The following RCAN1 variants were observed in gnomAD, a reference collection of about 807,000 sequenced individuals.
RCAN1 encodes regulator of calcineurin 1.
RCAN1 carries 11 observed loss-of-function variants against 22.9 expected under a neutral mutation model. That is an observed-to-expected ratio of 0.48 (90% CI 0.30 to 0.79). The LOEUF is 0.79. Among genes scored for constraint, RCAN1 ranks in the 30% least tolerant of loss-of-function variants. RCAN1 has a pLI of 0.06. For missense variants in RCAN1, 291 were observed against 337.8 expected, an observed-to-expected ratio of 0.86 and a Z score of 1.09; for synonymous variants, 136 against 142.3, an observed-to-expected ratio of 0.96 and a Z score of 0.32.
At chr21:34,560,232 T>C (rs954590375) in intron 1 of RCAN1, 12 of 152,132 alleles carry the variant, frequency 7.9e-5, no homozygotes, top group Admixed American at 2.6e-4. Context: ...AGGCACATTC[T>C]AGGATAGATG....
Position 34,593,923 on chromosome 21 carries a change from G to A in RCAN1, c.252+20837C>T, listed in dbSNP as rs151307325. ...CTATAATACGTGTAAGAAAAAAATC[G>A]TTAGTTTCCACTTGTTTTTTATTCT... On this transcript the variant is annotated intron_variant, in intron 1 of 3. Transcript: ENST00000313806. 1.7e-3 allele frequency among the ~76,000 whole-genome samples: 253 copies of A among 152,244 alleles called. 5 individuals carry two copies. The East Asian group carries it at 0.039, about 24-fold the overall frequency.
chr21:34,589,368 T>A (rs1206105185), intron 1 of RCAN1, among the ~76,000 whole-genome samples: 1 of 152,234 alleles, frequency 6.6e-6, no homozygotes, highest in Non-Finnish European at 1.5e-5. Flanking sequence ...GAAGGCTTTT[T>A]AAACTCTGAT....
At chr21:34,530,616 GTTTTTTTT>G (rs59150851) in intron 1 of RCAN1, among the ~76,000 whole-genome samples, 17 of 66,224 alleles carry the variant, frequency 2.6e-4, no homozygotes, top group African/African-American at 7.1e-4. Context: ...TAGTGAAATA[GTTTTTTTT>G]TTTTTTTTTT....
At chr21:34,589,870 G>A (rs1341356575) in intron 1 of RCAN1, among the ~76,000 whole-genome samples, 7 of 152,148 alleles carry the variant, frequency 4.6e-5, no homozygotes. Context: ...GGCAGACTGT[G>A]GGACTTCTCA....
At chr21:34,543,801 C>T (rs1010528779) in intron 1 of RCAN1, among the ~76,000 whole-genome samples, 1 of 152,170 alleles carries the variant, frequency 6.6e-6, no homozygotes, top group South Asian at 2.1e-4. Flanking sequence ...GTCAGATGGG[C>T]CTGGGCAGGA....
chr21:34,583,080 A>G (rs1010532642), intron 1 of RCAN1, among the ~76,000 whole-genome samples: 2 of 151,992 alleles, frequency 1.3e-5, no homozygotes, highest in African/African-American at 4.8e-5. Context: ...AGCATTATGG[A>G]CTGAACTATG....
At chr21:34,520,389 G>A (rs551203779) in intron 3 of RCAN1, among the ~76,000 whole-genome samples, 2 of 152,084 alleles carry the variant, frequency 1.3e-5, no homozygotes, top group South Asian at 4.2e-4. Flanking sequence ...GAGCTGCTGT[G>A]GGGGGAGCAC....
intron 1 of RCAN1, among the ~76,000 whole-genome samples, chr21:34,573,264 G>A (rs1308242329): frequency 1.3e-5 from 2 of 152,008 alleles, no homozygotes; most frequent in African/African-American, 4.8e-5. Context: ...GACACATTTT[G>A]GCATGGTAAT....
chr21:34,528,923 G>A (rs570005981), intron 1 of RCAN1, among the ~76,000 whole-genome samples: 5 of 150,058 alleles, frequency 3.3e-5, no homozygotes, highest in Middle Eastern at 3.2e-3. Context: ...GGGCTCACCC[G>A]AATATACAAT....
chr21:34,586,151 G>A (rs1489112641), intron 1 of RCAN1, among the ~76,000 whole-genome samples: 2 of 152,110 alleles, frequency 1.3e-5, no homozygotes, highest in Non-Finnish European at 2.9e-5. Flanking sequence ...ATTCAGTAAG[G>A]CCATAGATGA....
intron 1 of RCAN1, among the ~76,000 whole-genome samples, chr21:34,567,839 G>A (rs535372326): frequency 9.0e-4 from 137 of 152,262 alleles, no homozygotes; most frequent in African/African-American, 3.0e-3. Flanking sequence ...TTGGAGCCAC[G>A]AGGCTTGCTT....
chr21:34,587,104 G>A (rs1601202034), intron 1 of RCAN1, among the ~76,000 whole-genome samples: 1 of 152,158 alleles, frequency 6.6e-6, no homozygotes, highest in East Asian at 1.9e-4. Context: ...AGCACAAATT[G>A]TCACTACCAG....
chr21:34,544,074 T>TGTGGCTGCCACAGCAGCA (rs1491563872), intron 1 of RCAN1, among the ~76,000 whole-genome samples: 12 of 152,374 alleles, frequency 7.9e-5, no homozygotes, highest in African/African-American at 2.6e-4. Flanking sequence ...CTTTTCAGAC[T>TGTGGCTGCCACAGCAGCA]GTGGCTGCCA....
In RCAN1 at chr21:34,611,780, C is replaced by T. The variant is rs148532992; in HGVS notation, c.252+2980G>A. On this transcript the variant is annotated intron_variant, in intron 1 of 3. Coordinates refer to ENST00000313806, the MANE Select transcript of RCAN1 (RefSeq NM_004414.7). ...AACAGTAAGACTGCCACATTGAAAC[C>T]GCAGAAACTACATATTCCCACCTAG... is the stretch of plus-strand genomic sequence containing the variant. Among the ~76,000 whole-genome samples, 677 of 152,224 alleles carry T rather than the reference C, an allele frequency of 4.4e-3. 8 individuals carry two copies. The highest frequency in any genetic ancestry group is 0.015 in the African/African-American group (640 of 41,534).
chr21:34,602,938 A>C (rs1988399896), intron 1 of RCAN1, among the ~76,000 whole-genome samples: 2 of 152,182 alleles, frequency 1.3e-5, no homozygotes, highest in Admixed American at 6.5e-5. Context: ...TCAGGTGAGC[A>C]CGTTCCCCTA....
chr21:34,534,217 A>AT (rs11462757), intron 1 of RCAN1, among the ~76,000 whole-genome samples: 152,219 of 152,220 alleles, frequency 1, 76,109 homozygotes, highest in Non-Finnish European at 1. Context: ...TTCTCCAACC[A>AT]GTGTCCATAC....
intron 1 of RCAN1, among the ~76,000 whole-genome samples, chr21:34,596,904 G>A (rs567834852): frequency 5.3e-5 from 8 of 152,270 alleles, no homozygotes; most frequent in South Asian, 2.1e-4. Context: ...TGTGCTGTGC[G>A]TTGGTCTGCA....
intron 1 of RCAN1, among the ~76,000 whole-genome samples, chr21:34,600,101 T>C (rs1201117917): frequency 6.6e-6 from 1 of 152,166 alleles, no homozygotes; most frequent in Non-Finnish European, 1.5e-5. Context: ...TTCAGTCCCC[T>C]GGTACCTCCC....
chr21:34,518,325 A>T lies in RCAN1; in HGVS notation c.587-69T>A. The T allele has an allele frequency of 6.5e-7, 1 of 1,539,732 alleles. No individual in the cohort carries two copies. The highest frequency in any genetic ancestry group is 2.3e-5 in the East Asian group (1 of 44,082). On this transcript the variant is annotated intron_variant, in intron 3 of 3. Coordinates refer to ENST00000313806, the MANE Select transcript of RCAN1 (RefSeq NM_004414.7). The surrounding 1 kb of genome is among the most constrained non-coding windows in gnomAD (Gnocchi z 4.2). ...GGGAGTCAAAAGGCAAACATAAAAG[A>T]GCATTCAGGGCTCTGCTGGGCCAGC... is the stretch of plus-strand genomic sequence containing the variant.
Sources: gnomAD v4.1 joint callset for allele counts (sites outside exome capture counted in the v4.1 genomes callset) on GRCh38, gnomAD v4.1.1 for gene constraint, Gnocchi (gnomAD v3.1) non-coding constraint, MANE v1.5 for transcripts, NCBI Gene and HGNC (gene_info 2026-07-23, HGNC 2026-07-21) for gene names.